The following MPPED1 variants were observed in gnomAD, a reference collection of about 807,000 sequenced individuals.
MPPED1 encodes the protein metallophosphoesterase domain-containing protein 1.
A neutral mutation model predicts 36.2 loss-of-function variants in MPPED1; 16 were observed. The observed-to-expected ratio is 0.44, with a 90% CI of 0.30 to 0.67. The LOEUF (loss-of-function observed/expected upper bound fraction) is 0.67, where lower values mean the gene tolerates loss of function less well. Ranked by LOEUF, MPPED1 falls within the 30% of genes least tolerant of loss-of-function variation. MPPED1 has a pLI of 0.10. For missense variants in MPPED1, 307 were observed against 453.4 expected (o/e 0.68, Z 2.93); for synonymous variants, 199 against 191.3 (o/e 1.04, Z -0.33).
intron 4 of MPPED1, among the ~76,000 whole-genome samples, chr22:43,482,138 C>G (rs553499467): frequency 6.6e-6 from 1 of 152,236 alleles, no homozygotes; most frequent in Non-Finnish European, 1.5e-5. Flanking sequence ...TAAAAAAAAT[C>G]CCGTATACAT....
intron 3 of MPPED1, among the ~76,000 whole-genome samples, chr22:43,443,619 A>G (rs747352970): frequency 2.0e-5 from 3 of 152,236 alleles, no homozygotes; most frequent in Middle Eastern, 3.4e-3. Flanking sequence ...AATATTTGTT[A>G]AAGGAATGAG....
At chr22:43,433,458 ATGAG>A (rs926444419) in intron 2 of MPPED1, among the ~76,000 whole-genome samples, 1 of 145,744 alleles carries the variant, frequency 6.9e-6, no homozygotes, top group Non-Finnish European at 1.5e-5. Context: ...GAGTGAGTGA[ATGAG>A]TGAATGGAGG....
chr22:43,427,941 A>G (rs979550319), intron 2 of MPPED1, among the ~76,000 whole-genome samples: 3 of 152,108 alleles, frequency 2.0e-5, no homozygotes, highest in Non-Finnish European at 4.4e-5. Context: ...TTCGGGGGTG[A>G]AAAAAACGCT....
At chr22:43,440,665 C>A (rs980341093) in intron 3 of MPPED1, among the ~76,000 whole-genome samples, 2 of 152,170 alleles carry the variant, frequency 1.3e-5, no homozygotes, top group Admixed American at 6.5e-5. Context: ...GGCCTCCCCA[C>A]CCCCAGCCAC....
chr22:43,489,430 G>C (rs1029272048), intron 4 of MPPED1, among the ~76,000 whole-genome samples: 1 of 151,948 alleles, frequency 6.6e-6, no homozygotes, highest in Non-Finnish European at 1.5e-5. Context: ...CCCTTTCCCA[G>C]CCTGGGGATG....
At chr22:43,447,889 T>TTTC (rs1555900021) in intron 3 of MPPED1, among the ~76,000 whole-genome samples, 1 of 51,476 alleles carries the variant, frequency 1.9e-5, no homozygotes, top group East Asian at 2.8e-4. Context: ...ATATATTTTT[T>TTTC]TTTTTTTTAG....
intron 3 of MPPED1, among the ~76,000 whole-genome samples, chr22:43,450,424 G>C (rs1043563738): frequency 6.6e-6 from 1 of 152,224 alleles, no homozygotes; most frequent in Non-Finnish European, 1.5e-5. Flanking sequence ...ATTGCAGCTG[G>C]GATTCTGCTT....
At position 43,500,223 on chromosome 22, in the gene MPPED1, G is replaced by GAGGTGGTAA. The variant is rs1569091771; in HGVS notation, c.748+1873_748+1874insAGGTGGTAA. Among the ~76,000 whole-genome samples, 16 of 97,486 alleles carry GAGGTGGTAA rather than the reference G, an allele frequency of 1.6e-4. 2 individuals carry two copies. Among genetic ancestry groups the GAGGTGGTAA allele is most frequent in the Non-Finnish European group, 2.4e-4 (11 of 46,750 alleles). 64.0% of individuals were successfully genotyped at this position (97,486 alleles called of 152,430 possible). A position where few individuals can be genotyped will look rare whatever the true frequency, so the allele number is the denominator to read the frequency against. On this transcript the variant is annotated intron_variant, in intron 5 of 6. Transcript: ENST00000443721. ...GGTAATGGAGGTGGTGGGGGTGATG[G>GAGGTGGTAA]TGGAGGTGGTGATGGAGGTGGCAGT...
chr22:43,451,189 T>A (rs1056567947), intron 3 of MPPED1, among the ~76,000 whole-genome samples: 1 of 151,510 alleles, frequency 6.6e-6, no homozygotes, highest in Non-Finnish European at 1.5e-5. Context: ...GTATTTTTAA[T>A]AGAGACTGGG....
intron 3 of MPPED1, among the ~76,000 whole-genome samples, chr22:43,447,883 A>ATATATTTTT (rs1321289636): frequency 4.7e-4 from 32 of 67,702 alleles, no homozygotes; most frequent in African/African-American, 1.7e-3. Flanking sequence ...ATATATATAT[A>ATATATTTTT]TTTTTTTTTT....
At chr22:43,446,227 T>G (rs926390805) in intron 3 of MPPED1, among the ~76,000 whole-genome samples, 2 of 152,234 alleles carry the variant, frequency 1.3e-5, no homozygotes, top group African/African-American at 4.8e-5. Flanking sequence ...TAGTTATTAG[T>G]ATTTGTTTTC....
At chr22:43,486,522 A>T (rs1602006913) in intron 4 of MPPED1, among the ~76,000 whole-genome samples, 1 of 151,934 alleles carries the variant, frequency 6.6e-6, no homozygotes. Flanking sequence ...AAAATGTCAC[A>T]CCCCTGCTTG....
chr22:43,501,196 C>A (rs1407920472), intron 5 of MPPED1, among the ~76,000 whole-genome samples: 1 of 152,230 alleles, frequency 6.6e-6, no homozygotes, highest in Non-Finnish European at 1.5e-5. Context: ...TCACCCCCAC[C>A]TGAAGCCGCC....
At chr22:43,500,135 AATGGAGGTGGTGGGGGTGGTGGTG>A (rs1932629418) in intron 5 of MPPED1, among the ~76,000 whole-genome samples, 1 of 12,396 alleles carries the variant, frequency 8.1e-5, no homozygotes, top group Non-Finnish European at 1.8e-4. Context: ...TGGAGGTGGT[AATGGAGGTGGTGGGGGTGGTGGTG>A]GTGATGGTGA....
In MPPED1 at chr22:43,505,809, G is replaced by A; in HGVS notation, c.*193G>A. ...GTTGGGACCCTGCGCATCCCCATCA[G>A]GGGTTCTGTGCTCATTTACTTTTTC... On this transcript the variant is annotated 3_prime_UTR_variant, in exon 7 of 7. Transcript: ENST00000443721. 1 of 572,400 alleles carries A rather than the reference G, an allele frequency of 1.7e-6. No homozygotes were observed. The highest frequency in any genetic ancestry group is 3.1e-6 in the Non-Finnish European group (1 of 320,118). 35.5% of individuals were successfully genotyped at this position (572,400 alleles called of 1,614,324 possible). A position where few individuals can be genotyped will look rare whatever the true frequency, so the allele number is the denominator to read the frequency against.
At chr22:43,486,699 A>G (rs1931921808) in intron 4 of MPPED1, among the ~76,000 whole-genome samples, 1 of 151,840 alleles carries the variant, frequency 6.6e-6, no homozygotes, top group Non-Finnish European at 1.5e-5. Flanking sequence ...AGTTGCCAGC[A>G]CTCAGCCTGC....
At chr22:43,471,952 G>A (rs968325682) in intron 3 of MPPED1, among the ~76,000 whole-genome samples, 11 of 152,176 alleles carry the variant, frequency 7.2e-5, no homozygotes, top group Non-Finnish European at 1.3e-4. Context: ...GAAGAACCTC[G>A]GGCCAGGGCC....
chr22:43,437,688 T>C (rs1930009458), intron 3 of MPPED1, among the ~76,000 whole-genome samples: 1 of 152,182 alleles, frequency 6.6e-6, no homozygotes, highest in Non-Finnish European at 1.5e-5. Context: ...AGGGGGCGGT[T>C]AGGCTCCCCT....
intron 3 of MPPED1, among the ~76,000 whole-genome samples, chr22:43,460,295 C>CAA (rs60820577): frequency 4.5e-5 from 4 of 88,740 alleles, no homozygotes; most frequent in South Asian, 3.8e-4. Flanking sequence ...CAAAACAAAA[C>CAA]AAAAAAAACT....
Sources: gnomAD v4.1 joint callset for allele counts (sites outside exome capture counted in the v4.1 genomes callset) on GRCh38, gnomAD v4.1.1 for gene constraint, MANE v1.5 for transcripts, NCBI Gene and HGNC (gene_info 2026-07-23, HGNC 2026-07-21) for gene names.